USP17L1: variants seen among roughly 807,000 people sequenced by gnomAD.
The protein encoded by USP17L1 is ubiquitin specific peptidase 17 like family member 1, also known as ubiquitin carboxyl-terminal hydrolase 17-like protein 1.
Under a neutral mutation model 31.4 loss-of-function variants are expected in USP17L1, and 42 were observed. The ratio of observed to expected loss-of-function variants is 1.34; its 90% CI spans 1.05 to 1.73. The LOEUF (loss-of-function observed/expected upper bound fraction) is 1.73. Among genes scored for constraint, USP17L1 ranks in the 40% most tolerant of loss-of-function variants. USP17L1 has a pLI of 0.00. For missense variants in USP17L1, 576 were observed against 495.8 expected, an observed-to-expected ratio of 1.16 and a Z score of -1.54; for synonymous variants, 230 against 194.4, an observed-to-expected ratio of 1.18 and a Z score of -1.52.
rs1458364870 is a variant in USP17L1, at chr8:7,333,337, T to C, written c.951T>C (p.Tyr317=). The change falls in exon 1 of 1, where the codon TAT becomes TAC. Residue 317 remains tyrosine, a synonymous_variant. Transcript: ENST00000529559. ...AGCAGAACACAGGACCTCTTGTCTA[T>C]GTCCTCTATGCTGTGCTGGTCCACG... ...MSQQNTGPLV[Y]VLYAVLVHAG... 2.4e-5 allele frequency: 37 copies of C among 1,524,332 alleles called. No individual in the cohort carries two copies. Among genetic ancestry groups the C allele is most frequent in the Non-Finnish European group, 3.2e-5 (36 of 1,131,480 alleles). 94.4% of individuals were successfully genotyped at this position (1,524,332 alleles called of 1,614,324 possible).
In USP17L1 at chr8:7,333,284, T is replaced by A; in HGVS notation, c.898T>A (p.Cys300Ser). The part of the protein sequence containing the change: ...KLAKNVQYPE[C>S]LDMQPYMSQQ... ...TGCCAAGAATGTGCAATATCCTGAGTGCCTTGACATGCAGCCATACATGTC... is the reference window on the plus strand; with the variant it reads ...TGCCAAGAATGTGCAATATCCTGAGAGCCTTGACATGCAGCCATACATGTC... Residue 300 changes from cysteine to serine, a missense_variant, in exon 1 of 1, where the codon TGC (cysteine) becomes AGC (serine). Cys to Ser is a moderately radical substitution (Grantham distance 112). Coordinates refer to ENST00000529559, the MANE Select transcript of USP17L1 (RefSeq NM_001256873.1). 1 of 1,103,554 alleles carries A rather than the reference T, an allele frequency of 9.1e-7. No individual in the cohort carries two copies. The highest frequency in any genetic ancestry group is 2.4e-5 in the East Asian group (1 of 41,742). The allele number at this position is 1,103,554 out of a possible 1,614,324, so 68.4% of individuals were successfully genotyped here. A position where few individuals can be genotyped will look rare whatever the true frequency, so the allele number is the denominator to read the frequency against.
chr8:7,332,761 C>T lies in USP17L1; in HGVS notation c.375C>T (p.Leu125=). The T allele has an allele frequency of 1.6e-6, 1 of 617,458 alleles. No individual in the cohort carries two copies. Among genetic ancestry groups the T allele is most frequent in the Non-Finnish European group, 2.7e-6 (1 of 370,524 alleles). 38.2% of individuals were successfully genotyped at this position (617,458 alleles called of 1,614,324 possible). ...QTCQRPKCCM[L]CTMQAHITWA... ...GTCAGCGTCCCAAGTGCTGCATGCT[C>T]TGTACTATGCAAGCTCACATCACAT... is the stretch of plus-strand genomic sequence containing the variant. Residue 125 remains leucine (L), a synonymous_variant, in exon 1 of 1, where the codon CTC becomes CTT. Transcript: ENST00000529559.
In USP17L1 at chr8:7,333,057, C is replaced by T. The variant is rs536262757; in HGVS notation, c.671C>T (p.Ala224Val). The change falls in exon 1 of 1, where the codon GCC becomes GTC. Residue 224 changes from alanine to valine, a missense_variant. Ala to Val is a moderately conservative substitution (Grantham distance 64). Coordinates refer to ENST00000529559, the MANE Select transcript of USP17L1 (RefSeq NM_001256873.1). ...ACTTTTGACCCTTACCTGGACATCG[C>T]CCTGGATATCCAGGCAGCTCAGAGT... ...SDTFDPYLDI[A>V]LDIQAAQSVK... is the part of the protein sequence containing the mutation. 10 of 981,058 alleles carry T rather than the reference C, an allele frequency of 1.0e-5. 2 individuals are homozygous for T. The highest frequency in any genetic ancestry group is 8.1e-5 in the South Asian group (6 of 74,168). 60.8% of individuals were successfully genotyped at this position (981,058 alleles called of 1,614,324 possible).
rs376292490 is a variant in USP17L1, at chr8:7,333,743, G to A, written c.1357G>A (p.Gly453Arg). 8.8e-5 allele frequency: 139 copies of A among 1,583,032 alleles called. 5 individuals carry two copies. Among genetic ancestry groups the A allele is most frequent in the South Asian group, 7.3e-4 (66 of 89,876 alleles). The stretch of plus-strand genomic sequence containing the variant: ...CAAAACGAAGCCTGAGTTCAACGTC[G>A]GAAAAGTCGAAGGTACCCTGCCTCC... The part of the protein sequence containing the change: ...QNKTKPEFNV[G>R]KVEGTLPPNA... Residue 453 changes from glycine (G) to arginine (R), a missense_variant, in exon 1 of 1, where the codon GGA (glycine) becomes AGA (arginine). Physicochemically the swap from Gly to Arg is moderately radical, Grantham distance 125. Transcript: ENST00000529559.
rs553072359 is a variant in USP17L1, at chr8:7,332,561, G to A, written c.175G>A (p.Ala59Thr). ...VDLCDDLAPV[A>T]RQLAPREKLP... Reference sequence around the variant, plus strand: ...CCTCTGTGATGATTTGGCTCCTGTGGCAAGACAGCTCGCTCCCAGGGAGAA... The same window carrying A: ...CCTCTGTGATGATTTGGCTCCTGTGACAAGACAGCTCGCTCCCAGGGAGAA... Residue 59 changes from alanine to threonine, a missense_variant, in exon 1 of 1, where the codon GCA becomes ACA. Coordinates refer to ENST00000529559, the MANE Select transcript of USP17L1 (RefSeq NM_001256873.1). 14 of 501,918 alleles carry A rather than the reference G, an allele frequency of 2.8e-5. No individual in the cohort carries two copies. In the East Asian group the frequency reaches 3.3e-4, roughly 12 times the overall value. The allele number at this position is 501,918 out of a possible 1,614,324, so 31.1% of individuals were successfully genotyped here. A position where few individuals can be genotyped will look rare whatever the true frequency, so the allele number is the denominator to read the frequency against.
In USP17L1 at chr8:7,333,345, A is replaced by G; in HGVS notation, c.959A>G (p.Tyr320Cys). 4 of 1,550,842 alleles carry G rather than the reference A, an allele frequency of 2.6e-6. 1 individual carries two copies. Among genetic ancestry groups the G allele is most frequent in the Non-Finnish European group, 3.5e-6 (4 of 1,154,248 alleles). ...ACAGGACCTCTTGTCTATGTCCTCT[A>G]TGCTGTGCTGGTCCACGCTGGGTGG... ...QNTGPLVYVLYAVLVHAGWSC... is the reference protein window; with the variant it reads ...QNTGPLVYVLCAVLVHAGWSC... Residue 320 changes from tyrosine (Y) to cysteine (C), a missense_variant, in exon 1 of 1, where the codon TAT (tyrosine) becomes TGT (cysteine). Tyr to Cys is a radical substitution (Grantham distance 194). Coordinates refer to ENST00000529559, the MANE Select transcript of USP17L1 (RefSeq NM_001256873.1).
At position 7,333,918 on chromosome 8, in the gene USP17L1, G is replaced by A. The variant is rs560428936; in HGVS notation, c.1532G>A (p.Arg511Lys). The change falls in exon 1 of 1, where the codon AGG (arginine) becomes AAG (lysine). Residue 511 changes from arginine (R) to lysine (K), a missense_variant. Coordinates refer to ENST00000529559, the MANE Select transcript of USP17L1 (RefSeq NM_001256873.1). ...NTGTLASLQG[R>K]TRRAKGKNKH... ...GGCACACTCGCTTCTCTGCAAGGGA[G>A]GACCAGGAGAGCCAAAGGGAAGAAC... 22 of 1,541,236 alleles carry A rather than the reference G, an allele frequency of 1.4e-5. 1 individual carries two copies. Among genetic ancestry groups the A allele is most frequent in the Admixed American group, 6.8e-5 (4 of 58,806 alleles).
rs1804220854 is a variant in USP17L1, at chr8:7,333,699, A to G, written c.1313A>G (p.Lys438Arg). The G allele has an allele frequency of 1.9e-6, 3 of 1,587,056 alleles. No individual in the cohort carries two copies. Among genetic ancestry groups the G allele is most frequent in the Non-Finnish European group, 2.6e-6 (3 of 1,176,366 alleles). Residue 438 changes from lysine (K) to arginine (R), a missense_variant, in exon 1 of 1, where the codon AAA becomes AGA. Physicochemically the swap from Lys to Arg is conservative, Grantham distance 26 (BLOSUM62 2). Coordinates refer to ENST00000529559, the MANE Select transcript of USP17L1 (RefSeq NM_001256873.1). ...ATQESTLDHW[K>R]FLQEQNKTKP... ...CAGGAAAGCACCTTAGACCACTGGA[A>G]ATTCCTGCAAGAGCAAAACAAAACG...
At position 7,332,603 on chromosome 8, in the gene USP17L1, A is replaced by T; in HGVS notation, c.217A>T (p.Arg73Trp). 2.0e-6 allele frequency: 1 copy of T among 500,028 alleles called. No individual in the cohort carries two copies. The highest frequency in any genetic ancestry group is 3.3e-6 in the Non-Finnish European group (1 of 299,548). 31.0% of individuals were successfully genotyped at this position (500,028 alleles called of 1,614,324 possible). A position where few individuals can be genotyped will look rare whatever the true frequency, so the allele number is the denominator to read the frequency against. ...APREKLPLSS[R>W]RPAAVGAGLQ... ...CAGGGAGAAGCTTCCTCTGAGTAGC[A>T]GGAGACCTGCTGCGGTGGGGGCTGG... The change falls in exon 1 of 1, where the codon AGG becomes TGG. Residue 73 changes from arginine (R) to tryptophan (W), a missense_variant. Physicochemically the swap from Arg to Trp is moderately radical, Grantham distance 101. Coordinates refer to ENST00000529559, the MANE Select transcript of USP17L1 (RefSeq NM_001256873.1).
rs531095115 is a variant in USP17L1, at chr8:7,332,929, G to A, written c.543G>A (p.Lys181=). The change falls in exon 1 of 1, where the codon AAG becomes AAA. Residue 181 remains lysine, a synonymous_variant. Transcript: ENST00000529559. ...AAAAGGCATGCCTTCCCGGCCACAA[G>A]CAGGTAGATCATCACTGCAAGGACA... ...AMKKACLPGH[K]QVDHHCKDTT... 2 of 1,555,416 alleles carry A rather than the reference G, an allele frequency of 1.3e-6. No individual in the cohort carries two copies. Among genetic ancestry groups the A allele is most frequent in the South Asian group, 2.2e-5 (2 of 89,504 alleles).
chr8:7,332,790 C>A lies in USP17L1; in HGVS notation c.404C>A (p.Ala135Asp). The A allele has an allele frequency of 1.5e-6, 1 of 646,868 alleles. No individual in the cohort carries two copies. Among genetic ancestry groups the A allele is most frequent in the Non-Finnish European group, 2.5e-6 (1 of 393,616 alleles). 40.1% of individuals were successfully genotyped at this position (646,868 alleles called of 1,614,324 possible). A position where few individuals can be genotyped will look rare whatever the true frequency, so the allele number is the denominator to read the frequency against. The change falls in exon 1 of 1, where the codon GCC (alanine) becomes GAC (aspartate). Residue 135 changes from alanine (A) to aspartate (D), a missense_variant. By Grantham distance (126) the Ala-to-Asp change is moderately radical. Coordinates refer to ENST00000529559, the MANE Select transcript of USP17L1 (RefSeq NM_001256873.1). Reference sequence around the variant, plus strand: ...ACTATGCAAGCTCACATCACATGGGCCCTCCACAGTCCTGGCCATGTCATC... The same window carrying A: ...ACTATGCAAGCTCACATCACATGGGACCTCCACAGTCCTGGCCATGTCATC... Reference protein sequence around the residue: ...LCTMQAHITWALHSPGHVIQP... With the variant: ...LCTMQAHITWDLHSPGHVIQP...
At position 7,333,307 on chromosome 8, in the gene USP17L1, G is replaced by A; in HGVS notation, c.921G>A (p.Met307Ile). The part of the protein sequence containing the change: ...YPECLDMQPY[M>I]SQQNTGPLVY... ...AGTGCCTTGACATGCAGCCATACAT[G>A]TCTCAGCAGAACACAGGACCTCTTG... is the stretch of plus-strand genomic sequence containing the variant. Residue 307 changes from methionine (M) to isoleucine (I), a missense_variant, in exon 1 of 1, where the codon ATG becomes ATA. Transcript: ENST00000529559. 2 of 1,342,374 alleles carry A rather than the reference G, an allele frequency of 1.5e-6. No individual in the cohort carries two copies. Among genetic ancestry groups the A allele is most frequent in the Non-Finnish European group, 2.1e-6 (2 of 969,796 alleles). The allele number at this position is 1,342,374 out of a possible 1,614,324, so 83.2% of individuals were successfully genotyped here. A position where few individuals can be genotyped will look rare whatever the true frequency, so the allele number is the denominator to read the frequency against.
Position 7,333,551 on chromosome 8 carries a change from A to G in USP17L1, c.1165A>G (p.Arg389Gly). The change falls in exon 1 of 1, where the codon AGG (arginine) becomes GGG (glycine). Residue 389 changes from arginine (R) to glycine (G), a missense_variant. Coordinates refer to ENST00000529559, the MANE Select transcript of USP17L1 (RefSeq NM_001256873.1). ...ACACAGTGAGAGTGTGTCAAGAGGC[A>G]GGGAACCAAGAGCCCTCGGCGCTGA... Reference protein sequence around the residue: ...ERHSESVSRGREPRALGAEDT... With the variant: ...ERHSESVSRGGEPRALGAEDT... 2 of 1,473,088 alleles carry G rather than the reference A, an allele frequency of 1.4e-6. No individual in the cohort carries two copies. The highest frequency in any genetic ancestry group is 1.1e-5 in the South Asian group (1 of 87,418). 91.3% of individuals were successfully genotyped at this position (1,473,088 alleles called of 1,614,324 possible).
At position 7,333,700 on chromosome 8, in the gene USP17L1, A is replaced by G; in HGVS notation, c.1314A>G (p.Lys438=). 3 of 1,587,136 alleles carry G rather than the reference A, an allele frequency of 1.9e-6. No homozygotes were observed. The highest frequency in any genetic ancestry group is 1.7e-6 in the Non-Finnish European group (2 of 1,176,374). The change falls in exon 1 of 1, where the codon AAA becomes AAG. Residue 438 remains lysine (K), a synonymous_variant. Transcript: ENST00000529559. The part of the protein sequence containing the change: ...ATQESTLDHW[K]FLQEQNKTKP... ...AGGAAAGCACCTTAGACCACTGGAA[A>G]TTCCTGCAAGAGCAAAACAAAACGA... is the stretch of plus-strand genomic sequence containing the variant.
At position 7,333,304 on chromosome 8, in the gene USP17L1, C is replaced by T. The variant is rs1314518007; in HGVS notation, c.918C>T (p.Tyr306=). ...CTGAGTGCCTTGACATGCAGCCATA[C>T]ATGTCTCAGCAGAACACAGGACCTC... is the stretch of plus-strand genomic sequence containing the variant. ...QYPECLDMQP[Y]MSQQNTGPLV... is the part of the protein sequence containing the mutation. Residue 306 remains tyrosine (Y), a synonymous_variant, in exon 1 of 1, where the codon TAC becomes TAT. Transcript: ENST00000529559. 1 of 1,310,246 alleles carries T rather than the reference C, an allele frequency of 7.6e-7. No homozygotes were observed. Among genetic ancestry groups the T allele is most frequent in the Non-Finnish European group, 1.1e-6 (1 of 940,584 alleles). 81.2% of individuals were successfully genotyped at this position (1,310,246 alleles called of 1,614,324 possible). A position where few individuals can be genotyped will look rare whatever the true frequency, so the allele number is the denominator to read the frequency against.
In USP17L1 at chr8:7,333,502, C is replaced by T. The variant is rs769809584; in HGVS notation, c.1116C>T (p.Tyr372=). 1.9e-6 allele frequency: 3 copies of T among 1,547,932 alleles called. No individual in the cohort carries two copies. Among genetic ancestry groups the T allele is most frequent in the South Asian group, 1.1e-5 (1 of 89,304 alleles). The stretch of plus-strand genomic sequence containing the variant: ...GTCAACAGGCCTATGTCCTCTTTTA[C>T]ATCCAGAAGAGTGAATGGGAAAGAC... ...VLSQQAYVLF[Y]IQKSEWERHS... is the part of the protein sequence containing the mutation. The change falls in exon 1 of 1, where the codon TAC becomes TAT. Residue 372 remains tyrosine, a synonymous_variant. Transcript: ENST00000529559.
chr8:7,333,183 C>T lies in USP17L1; in HGVS notation c.797C>T (p.Thr266Met), dbSNP rs779858091. The T allele has an allele frequency of 2.0e-4, 163 of 809,752 alleles. 8 individuals are homozygous for T. The highest frequency in any genetic ancestry group is 2.9e-4 in the Non-Finnish European group (147 of 509,396). 50.2% of individuals were successfully genotyped at this position (809,752 alleles called of 1,614,324 possible). A position where few individuals can be genotyped will look rare whatever the true frequency, so the allele number is the denominator to read the frequency against. The change falls in exon 1 of 1, where the codon ACG becomes ATG. Residue 266 changes from threonine to methionine, a missense_variant. By Grantham distance (81) the Thr-to-Met change is moderately conservative (BLOSUM62 -1). Transcript: ENST00000529559. ...CTCCAGAGGGCGCCGGCCTCCAACA[C>T]GTTAACTTTACACACTTCTGCCAAG... is the stretch of plus-strand genomic sequence containing the variant. ...LCLQRAPASN[T>M]LTLHTSAKVL...
Position 7,332,658 on chromosome 8 carries a change from A to T in USP17L1, c.272A>T (p.Glu91Val), listed in dbSNP as rs1218746351. 1.3e-5 allele frequency: 7 copies of T among 519,936 alleles called. 1 individual carries two copies. Among genetic ancestry groups the T allele is most frequent in the East Asian group, 3.0e-5 (1 of 33,128 alleles). 32.2% of individuals were successfully genotyped at this position (519,936 alleles called of 1,614,324 possible). ...CAGAATATGGGAAATACCTGCTACGAGAACGCTTCCCTGCAGTGCCTGACA... is the reference window on the plus strand; with the variant it reads ...CAGAATATGGGAAATACCTGCTACGTGAACGCTTCCCTGCAGTGCCTGACA... The part of the protein sequence containing the change: ...GLQNMGNTCY[E>V]NASLQCLTYT... Residue 91 changes from glutamate (E) to valine (V), a missense_variant, in exon 1 of 1, where the codon GAG (glutamate) becomes GTG (valine). Glu to Val is a moderately radical substitution (Grantham distance 121, BLOSUM62 -2). Coordinates refer to ENST00000529559, the MANE Select transcript of USP17L1 (RefSeq NM_001256873.1).
chr8:7,332,617 G>A lies in USP17L1; in HGVS notation c.231G>A (p.Ala77=), dbSNP rs1159031420. The A allele has an allele frequency of 6.0e-5, 30 of 500,946 alleles. 1 individual carries two copies. The highest frequency in any genetic ancestry group is 2.1e-4 in the East Asian group (7 of 33,250). 31.0% of individuals were successfully genotyped at this position (500,946 alleles called of 1,614,324 possible). The stretch of plus-strand genomic sequence containing the variant: ...CTCTGAGTAGCAGGAGACCTGCTGC[G>A]GTGGGGGCTGGGCTCCAGAATATGG... ...KLPLSSRRPA[A]VGAGLQNMGN... is the part of the protein sequence containing the mutation. The change falls in exon 1 of 1, where the codon GCG becomes GCA. Residue 77 remains alanine (A), a synonymous_variant. Coordinates refer to ENST00000529559, the MANE Select transcript of USP17L1 (RefSeq NM_001256873.1).
Sources: allele counts gnomAD v4.1 joint callset, GRCh38; gene constraint gnomAD v4.1.1; transcripts MANE v1.5; gene names NCBI Gene and HGNC (gene_info 2026-07-23, HGNC 2026-07-21).